UACA: variants seen among roughly 807,000 people sequenced by gnomAD.
UACA encodes the protein uveal autoantigen with coiled-coil domains and ankyrin repeats, also known as nuclear membrane binding protein.
In UACA, 112 loss-of-function variants were observed where a neutral mutation model predicts 160.5. The observed-to-expected ratio is 0.70, with a 90% CI of 0.60 to 0.82. The LOEUF is 0.82. Ranked by LOEUF, UACA falls within the 40% of genes least tolerant of loss-of-function variation. The pLI is 0.00. For missense variants in UACA, 1,574 were observed against 1,614.6 expected (o/e 0.97, Z 0.43); for synonymous variants, 557 against 568.4 (o/e 0.98, Z 0.29).
chr15:70,663,578 A>G (rs1267841722), intron 17 of UACA, among the ~76,000 whole-genome samples: 1 of 152,160 alleles, frequency 6.6e-6, no homozygotes, highest in African/African-American at 2.4e-5. Flanking sequence ...ACATATGTTT[A>G]TTGCGGCACT....
At chr15:70,716,228 G>A (rs74021845) in intron 1 of UACA, among the ~76,000 whole-genome samples, 2,552 of 152,278 alleles carry the variant, frequency 0.017, 67 homozygotes, top group African/African-American at 0.057. Context: ...GCCCCCTTGA[G>A]GGTAGGAGAG....
Position 70,668,511 on chromosome 15 carries a change from C to T in UACA, c.2173G>A (p.Asp725Asn). ...LQKEIEKVYL[D>N]NKLLKEQAHN... is the part of the protein sequence containing the mutation. Reference sequence around the variant, plus strand: ...GCTTGCTCCTTGAGGAGCTTATTATCCAAATAAACTTTTTCAATTTCCTTT... The same window carrying T: ...GCTTGCTCCTTGAGGAGCTTATTATTCAAATAAACTTTTTCAATTTCCTTT... Residue 725 changes from aspartate to asparagine, a missense_variant, in exon 16 of 19, where the codon GAT becomes AAT. Asp to Asn is a conservative substitution (Grantham distance 23, BLOSUM62 1). Transcript: ENST00000322954. 6.2e-7 allele frequency: 1 copy of T among 1,610,414 alleles called. No individual in the cohort carries two copies. Among genetic ancestry groups the T allele is most frequent in the Non-Finnish European group, 8.5e-7 (1 of 1,179,358 alleles).
At chr15:70,679,808 G>A (rs964258753) in intron 9 of UACA, 132 bp from the exon 10 acceptor site, 4 of 474,628 alleles carry the variant, frequency 8.4e-6, no homozygotes, top group East Asian at 7.2e-5. Context: ...ACACAAGGTG[G>A]CAGTGTTTCT....
chr15:70,736,522 C>T (rs1899372558), intron 1 of UACA, among the ~76,000 whole-genome samples: 2 of 152,074 alleles, frequency 1.3e-5, no homozygotes, highest in African/African-American at 2.4e-5. Context: ...CTAACCTGCA[C>T]CTCCCAGGTT....
At chr15:70,772,926 T>C in the UACA span, among the ~76,000 whole-genome samples, 1 of 151,448 alleles carries the variant, frequency 6.6e-6, no homozygotes, top group African/African-American at 2.4e-5. Context: ...CCGTCTCTAC[T>C]AAAAATACAA....
At chr15:70,703,015 T>A in intron 1 of UACA, 1 of 996,300 alleles carries the variant, frequency 1.0e-6, no homozygotes, top group Non-Finnish European at 1.3e-6. Flanking sequence ...GGTTAAACAC[T>A]AAAGGAGGCA....
chr15:70,770,171 A>G, the UACA span, among the ~76,000 whole-genome samples: 4 of 152,342 alleles, frequency 2.6e-5, no homozygotes, highest in South Asian at 6.2e-4. Flanking sequence ...TATTTTCTGC[A>G]TGCTCCTTCT....
intron 8 of UACA, 109 bp downstream of exon 8, chr15:70,684,156 C>T (rs1334887258): frequency 1.1e-6 from 1 of 903,090 alleles, no homozygotes; most frequent in African/African-American, 1.7e-5. Context: ...TACTGTTTAT[C>T]AGTAAGGAAT....
chr15:70,694,393 C>T (rs192230150), intron 3 of UACA, among the ~76,000 whole-genome samples: 140 of 151,862 alleles, frequency 9.2e-4, no homozygotes, highest in African/African-American at 3.3e-3. Flanking sequence ...TTTCGATTCT[C>T]TATAAAAAAT....
At chr15:70,672,505 T>C (rs1383848567) in intron 13 of UACA, among the ~76,000 whole-genome samples, 1 of 148,048 alleles carries the variant, frequency 6.8e-6, no homozygotes, top group Non-Finnish European at 1.5e-5. Context: ...GAAATGAAAC[T>C]GAGGCAGAGA....
chr15:70,693,474 G>A (rs930763270), intron 3 of UACA, among the ~76,000 whole-genome samples: 1 of 151,780 alleles, frequency 6.6e-6, no homozygotes, highest in Non-Finnish European at 1.5e-5. Flanking sequence ...ATCTACATCT[G>A]GATTATAACA....
intron 1 of UACA, among the ~76,000 whole-genome samples, chr15:70,726,914 T>C (rs1384834513): frequency 6.6e-6 from 1 of 152,094 alleles, no homozygotes; most frequent in Non-Finnish European, 1.5e-5. Flanking sequence ...GTCAATTCTG[T>C]TCTGGGAATC....
In UACA at chr15:70,754,389, C is replaced by T. The variant is rs182673296; in HGVS notation, c.78+8941G>A. ...TTCGGTATTGAATTCATGAGATATT[C>T]AATACTTTCTTATAAAATAGGCTTT... On this transcript the variant is annotated intron_variant, in intron 1 of 18. Transcript: ENST00000322954. 5.8e-4 allele frequency among the ~76,000 whole-genome samples: 89 copies of T among 152,236 alleles called. No individual in the cohort carries two copies. In the Middle Eastern group the frequency reaches 0.02, roughly 35 times the overall value.
chr15:70,685,391 A>G (rs1467209632), intron 7 of UACA, among the ~76,000 whole-genome samples: 1 of 152,088 alleles, frequency 6.6e-6, no homozygotes, highest in African/African-American at 2.4e-5. Context: ...TGAATATTGG[A>G]TCTCTTAAGG....
intron 1 of UACA, among the ~76,000 whole-genome samples, chr15:70,741,384 T>C (rs1899530020): frequency 6.6e-6 from 1 of 152,160 alleles, no homozygotes; most frequent in African/African-American, 2.4e-5. Flanking sequence ...GGGCATGTGC[T>C]GATTCCCTGT....
At chr15:70,717,054 TC>T (rs1168455258) in intron 1 of UACA, among the ~76,000 whole-genome samples, 1 of 152,156 alleles carries the variant, frequency 6.6e-6, no homozygotes, top group African/African-American at 2.4e-5. Flanking sequence ...AAATCCCGTC[TC>T]TATCAAAAAT....
At chr15:70,764,612 T>A (rs779862155), upstream of UACA, among the ~76,000 whole-genome samples, 1 of 152,236 alleles carries the variant, frequency 6.6e-6, no homozygotes, top group Non-Finnish European at 1.5e-5. Flanking sequence ...TAGAGTTTCT[T>A]TATAGTAACG....
chr15:70,723,225 C>T (rs918823147), intron 1 of UACA, among the ~76,000 whole-genome samples: 1 of 152,214 alleles, frequency 6.6e-6, no homozygotes, highest in South Asian at 2.1e-4. Flanking sequence ...GCAGGTGCAG[C>T]GGCTCACGCC....
chr15:70,705,648 C>T (rs559170013), intron 1 of UACA, among the ~76,000 whole-genome samples: 2 of 152,218 alleles, frequency 1.3e-5, no homozygotes, highest in East Asian at 3.9e-4. Context: ...ACAAAGATTG[C>T]ATCACAGGAT....
Sources: allele counts gnomAD v4.1 joint callset (sites outside exome capture counted in the v4.1 genomes callset), GRCh38; gene constraint gnomAD v4.1.1; transcripts MANE v1.5; gene names NCBI Gene and HGNC (gene_info 2026-07-23, HGNC 2026-07-21).